Variants in TNR observed in about 807,000 individuals in gnomAD.
TNR encodes the protein tenascin R.
Under a neutral mutation model 150.4 loss-of-function variants are expected in TNR, and 45 were observed. That is an observed-to-expected ratio of 0.30 (90% CI 0.24 to 0.38). The LOEUF (loss-of-function observed/expected upper bound fraction) is 0.38, where lower values mean the gene tolerates loss of function less well. Ranked by LOEUF, TNR falls within the 10% of genes least tolerant of loss-of-function variation. The pLI is 1.00. For missense variants in TNR, 1,544 were observed against 1,759.1 expected (o/e 0.88, Z 2.19); for synonymous variants, 687 against 678.4 (o/e 1.01, Z -0.20).
chr1:175,616,240 G>T (rs1487045849), intron 1 of TNR, among the ~76,000 whole-genome samples: 3 of 152,138 alleles, frequency 2.0e-5, no homozygotes, highest in Admixed American at 2.0e-4. Context: ...CCTTCACCCT[G>T]CTCATGGCCC....
rs73033321 is a variant in TNR, at chr1:175,624,655, G to A, written c.-164-96286C>T. On this transcript the variant is annotated intron_variant, in intron 1 of 22. Coordinates refer to ENST00000367674, the MANE Select transcript of TNR (RefSeq NM_003285.3). ...TTGGCCCTGCTGATGCCTTGATTTTGCGCTTCTAGCCTCCAGAACTGTCAG... is the reference window on the plus strand; with the variant it reads ...TTGGCCCTGCTGATGCCTTGATTTTACGCTTCTAGCCTCCAGAACTGTCAG... Among the ~76,000 whole-genome samples, 1,321 of 152,226 alleles carry A rather than the reference G, an allele frequency of 8.7e-3. 16 individuals are homozygous for A. The highest frequency in any genetic ancestry group is 0.03 in the African/African-American group (1,259 of 41,544).
intron 2 of TNR, among the ~76,000 whole-genome samples, chr1:175,444,616 T>C (rs1465034868): frequency 6.6e-6 from 1 of 152,216 alleles, no homozygotes; most frequent in Non-Finnish European, 1.5e-5. Context: ...CAAGTAGCAT[T>C]CTTATGGCTA....
At chr1:175,657,883 A>ATATATATGTGTGTG (rs1464419575) in intron 1 of TNR, among the ~76,000 whole-genome samples, 1 of 101,132 alleles carries the variant, frequency 9.9e-6, no homozygotes, top group Non-Finnish European at 2.1e-5. Flanking sequence ...ATATATATAT[A>ATATATATGTGTGTG]TGTAACAAAC....
intron 19 of TNR, among the ~76,000 whole-genome samples, chr1:175,337,117 A>G (rs537312529): frequency 2.0e-5 from 3 of 151,872 alleles, no homozygotes; most frequent in African/African-American, 7.2e-5. Context: ...CTGGTCTCGA[A>G]CTCCTGGCCT....
chr1:175,562,652 G>A (rs1661477119), intron 1 of TNR, among the ~76,000 whole-genome samples: 1 of 152,226 alleles, frequency 6.6e-6, no homozygotes, highest in South Asian at 2.1e-4. Context: ...GAGACAGGAT[G>A]TGGTAGAACA....
At chr1:175,414,001 T>C (rs555010194) in intron 2 of TNR, among the ~76,000 whole-genome samples, 6 of 152,096 alleles carry the variant, frequency 3.9e-5, no homozygotes, top group African/African-American at 1.4e-4. Context: ...TGCATGGTGG[T>C]GTGTGTCTGT....
At chr1:175,509,231 C>G (rs897164378) in intron 2 of TNR, among the ~76,000 whole-genome samples, 3 of 152,076 alleles carry the variant, frequency 2.0e-5, no homozygotes, top group Non-Finnish European at 4.4e-5. Flanking sequence ...TATTTGATAA[C>G]AGTAAAAAAA....
At chr1:175,528,940 A>C (rs532086555) in intron 1 of TNR, among the ~76,000 whole-genome samples, 1 of 152,256 alleles carries the variant, frequency 6.6e-6, no homozygotes, top group Non-Finnish European at 1.5e-5. Flanking sequence ...GCCAGTGCAT[A>C]AAAGTTCAAC....
chr1:175,705,596 T>C (rs1317331215), intron 1 of TNR, among the ~76,000 whole-genome samples: 3 of 151,988 alleles, frequency 2.0e-5, no homozygotes, highest in African/African-American at 4.8e-5. Flanking sequence ...TGTGTGTATG[T>C]GTGTGTGTGC....
intron 1 of TNR, among the ~76,000 whole-genome samples, chr1:175,594,857 TA>T (rs1174868287): frequency 5.3e-3 from 542 of 102,990 alleles, no homozygotes; most frequent in Admixed American, 7.9e-3. Flanking sequence ...ACCTTGTTTC[TA>T]AAAAAAAAAA....
At chr1:175,723,732 G>C (rs1667403728) in intron 1 of TNR, among the ~76,000 whole-genome samples, 1 of 152,110 alleles carries the variant, frequency 6.6e-6, no homozygotes, top group Non-Finnish European at 1.5e-5. Context: ...TTAAAAATTA[G>C]CTGAGCGTGG....
chr1:175,373,386 T>A (rs1652195710), intron 9 of TNR, among the ~76,000 whole-genome samples: 1 of 152,158 alleles, frequency 6.6e-6, no homozygotes, highest in South Asian at 2.1e-4. Context: ...TAGGCACCAA[T>A]CTACTTTTTA....
rs538154752 is a variant in TNR, at chr1:175,491,891, C to T, written c.-64+36378G>A. ...GTCTCGATCTCCTGACCTCGTGATC[C>T]GCCCGCCTTGGCCTCCCAAAGTGCT... On this transcript the variant is annotated intron_variant, in intron 2 of 22. Coordinates refer to ENST00000367674, the MANE Select transcript of TNR (RefSeq NM_003285.3). 2.8e-3 allele frequency among the ~76,000 whole-genome samples: 428 copies of T among 151,774 alleles called. 1 individual carries two copies. The highest frequency in any genetic ancestry group is 4.3e-3 in the Non-Finnish European group (289 of 67,898).
intron 2 of TNR, among the ~76,000 whole-genome samples, chr1:175,480,435 GAAAGAAAGAGAA>G (rs1319456975): frequency 2.0e-5 from 3 of 148,702 alleles, no homozygotes; most frequent in East Asian, 4.1e-4. Flanking sequence ...AAGAAAGAAA[GAAAGAAAGAGAA>G]AGAAAGAAAG....
chr1:175,591,544 G>C (rs932391973), intron 1 of TNR, among the ~76,000 whole-genome samples: 4 of 152,198 alleles, frequency 2.6e-5, no homozygotes, highest in Admixed American at 6.5e-5. Flanking sequence ...CACAGCCTGA[G>C]AAGGGAAGGG....
chr1:175,382,544 G>C (rs1301833453), intron 8 of TNR, among the ~76,000 whole-genome samples: 1 of 152,218 alleles, frequency 6.6e-6, no homozygotes, highest in East Asian at 1.9e-4. Flanking sequence ...GGACTTGGAA[G>C]TTCCTATTAG....
chr1:175,467,800 G>A (rs1657098108), intron 2 of TNR, among the ~76,000 whole-genome samples: 1 of 152,168 alleles, frequency 6.6e-6, no homozygotes, highest in Non-Finnish European at 1.5e-5. Flanking sequence ...GGGATCTTGA[G>A]CTTAAATAGC....
intron 2 of TNR, among the ~76,000 whole-genome samples, chr1:175,521,348 T>C (rs1266607579): frequency 6.6e-6 from 1 of 152,230 alleles, no homozygotes; most frequent in Non-Finnish European, 1.5e-5. Context: ...CAGTTGTCAA[T>C]GGTCACTCTG....
At chr1:175,710,737 A>T (rs1047821528) in intron 1 of TNR, among the ~76,000 whole-genome samples, 1 of 152,134 alleles carries the variant, frequency 6.6e-6, no homozygotes, top group African/African-American at 2.4e-5. Flanking sequence ...TGGTCTCAGG[A>T]GTCTCACTCA....
Sources: allele counts gnomAD v4.1 joint callset (sites outside exome capture counted in the v4.1 genomes callset), GRCh38; gene constraint gnomAD v4.1.1; transcripts MANE v1.5; gene names NCBI Gene and HGNC (gene_info 2026-07-23, HGNC 2026-07-21).